DEFB125: variants seen among roughly 807,000 people sequenced by gnomAD.
DEFB125 encodes the protein beta-defensin 125.
Under a neutral mutation model 11.8 loss-of-function variants are expected in DEFB125, and 11 were observed. The observed-to-expected ratio is 0.94, with a 90% confidence interval of 0.59 to 1.55. The LOEUF (loss-of-function observed/expected upper bound fraction) is 1.55, where lower values mean the gene tolerates loss of function less well. Ranked by LOEUF, DEFB125 falls within the 40% of genes most tolerant of loss-of-function variation. The probability of loss-of-function intolerance (pLI) is 0.00; values close to 1 mark genes in which losing one functional copy is unlikely to be tolerated. For missense variants in DEFB125, 198 were observed against 191.2 expected (o/e 1.04, Z -0.21); for synonymous variants, 79 against 66.7 (o/e 1.18, Z -0.90).
intron 1 of DEFB125, among the ~76,000 whole-genome samples, chr20:94,317 T>C (rs1435371899): frequency 6.6e-6 from 1 of 152,138 alleles, no homozygotes; most frequent in East Asian, 1.9e-4. Context: ...CAGTAAATGA[T>C]TGTTAACTAC....
In DEFB125 at chr20:88,833, T is replaced by A. The variant is rs1260767023; in HGVS notation, c.58+1066T>A. ...TCAGCAAGAAAAATTTGTAAACAAA[T>A]GTATGTCTTTTCATTTATGACTGGA... is the stretch of plus-strand genomic sequence containing the variant. On this transcript the variant is annotated intron_variant, in intron 1 of 1. Transcript: ENST00000382410. Among the ~76,000 whole-genome samples the A allele has an allele frequency of 2.1e-5, 3 of 142,534 alleles. No individual in the cohort carries two copies. The Admixed American group carries it at 2.1e-4, about 10-fold the overall frequency. The allele number at this position is 142,534 out of a possible 152,430, so 93.5% of individuals were successfully genotyped here.
At chr20:88,152 G>C (rs569887637) in intron 1 of DEFB125, among the ~76,000 whole-genome samples, 1 of 151,966 alleles carries the variant, frequency 6.6e-6, no homozygotes, top group South Asian at 2.1e-4. Context: ...TTCTTTGCCC[G>C]GAGGGTACCT....
intron 1 of DEFB125, among the ~76,000 whole-genome samples, chr20:92,462 G>A (rs1245261785): frequency 1.3e-5 from 2 of 149,358 alleles, no homozygotes; most frequent in Non-Finnish European, 3.0e-5. Context: ...GCCCAATCTC[G>A]GCTCATTGCA....
chr20:89,013 A>G (rs756821284), intron 1 of DEFB125, among the ~76,000 whole-genome samples: 58 of 152,108 alleles, frequency 3.8e-4, no homozygotes, highest in South Asian at 1.0e-3. Context: ...TCAGTTTTCT[A>G]CTACATTCAG....
intron 1 of DEFB125, among the ~76,000 whole-genome samples, chr20:94,100 T>C (rs2054506190): frequency 1.3e-5 from 2 of 150,694 alleles, no homozygotes; most frequent in Admixed American, 1.3e-4. Context: ...TTTTTTTTAA[T>C]AAAAACTAAA....
In DEFB125 at chr20:96,075, A is replaced by G; in HGVS notation, c.129A>G (p.Glu43=). 1 of 1,613,928 alleles carries G rather than the reference A, an allele frequency of 6.2e-7. No individual in the cohort carries two copies. The highest frequency in any genetic ancestry group is 8.5e-7 in the Non-Finnish European group (1 of 1,179,940). ...GCAGAAGACGATGTTTAGATACTGA[A>G]AGGTACATACTTCTTTGTAGGAACA... ...GHCRRRCLDT[E]RYILLCRNKL... is the part of the protein sequence containing the mutation. The change falls in exon 2 of 2, where the codon GAA becomes GAG. Residue 43 remains glutamate (E), a synonymous_variant. Coordinates refer to ENST00000382410, the MANE Select transcript of DEFB125 (RefSeq NM_153325.4).
At chr20:89,059 G>T (rs1043599881) in intron 1 of DEFB125, among the ~76,000 whole-genome samples, 1 of 152,080 alleles carries the variant, frequency 6.6e-6, no homozygotes, top group African/African-American at 2.4e-5. Context: ...ATGTCCTGAT[G>T]TTTGAATTCA....
At chr20:88,866 A>ACACACG (rs2054486365) in intron 1 of DEFB125, among the ~76,000 whole-genome samples, 1 of 27,816 alleles carries the variant, frequency 3.6e-5, no homozygotes. Context: ...GGACACGTGG[A>ACACACG]CACACACACA....
intron 1 of DEFB125, among the ~76,000 whole-genome samples, chr20:89,716 C>G (rs1292672238): frequency 6.6e-6 from 1 of 151,716 alleles, no homozygotes; most frequent in Non-Finnish European, 1.5e-5. Flanking sequence ...GAATACTTGC[C>G]AAGTCCTAAA....
chr20:90,557 A>T (rs2054492538), intron 1 of DEFB125, among the ~76,000 whole-genome samples: 1 of 152,188 alleles, frequency 6.6e-6, no homozygotes. Flanking sequence ...GTGAAGACAC[A>T]TAGTGCATGA....
intron 1 of DEFB125, 74 bp downstream of exon 1, chr20:87,841 G>A: frequency 6.7e-7 from 1 of 1,490,386 alleles, no homozygotes; most frequent in Non-Finnish European, 9.3e-7. Context: ...GTATCATGAT[G>A]GGAAGAGAGG....
At chr20:94,835 C>A (rs2054508996) in intron 1 of DEFB125, among the ~76,000 whole-genome samples, 1 of 152,148 alleles carries the variant, frequency 6.6e-6, no homozygotes, top group Non-Finnish European at 1.5e-5. Context: ...TTAGCTCCTG[C>A]TTATGAATGA....
intron 1 of DEFB125, 90 bp downstream of exon 1, chr20:87,857 T>C: frequency 7.1e-7 from 1 of 1,417,678 alleles, no homozygotes; most frequent in Non-Finnish European, 9.9e-7. Context: ...AGAGGGAATC[T>C]GCAGGAAAAA....
At chr20:95,879 A>T in intron 1 of DEFB125, 126 bp from the exon 2 acceptor site, 1 of 883,164 alleles carries the variant, frequency 1.1e-6, no homozygotes, top group Non-Finnish European at 1.7e-6. Flanking sequence ...TTTGTCTCTT[A>T]CAATGGCTTT....
chr20:96,210 T>C lies in DEFB125; in HGVS notation c.264T>C (p.Phe88=). The C allele has an allele frequency of 1.4e-5, 23 of 1,614,214 alleles. No homozygotes were observed. Among genetic ancestry groups the C allele is most frequent in the Non-Finnish European group, 1.9e-5 (23 of 1,180,032 alleles). The change falls in exon 2 of 2, where the codon TTT becomes TTC. Residue 88 remains phenylalanine (F), a synonymous_variant. Coordinates refer to ENST00000382410, the MANE Select transcript of DEFB125 (RefSeq NM_153325.4). ...ITLDYSDVDS[F]TGSPVSMLND... ...TGGATTATAGTGATGTGGACTCTTT[T>C]ACTGGTTCCCCAGTATCTATGTTGA...
intron 1 of DEFB125, among the ~76,000 whole-genome samples, chr20:90,570 C>T (rs974039243): frequency 5.3e-5 from 8 of 152,142 alleles, no homozygotes; most frequent in African/African-American, 1.7e-4. Context: ...GTGCATGATC[C>T]GCTTACACTG....
intron 1 of DEFB125, among the ~76,000 whole-genome samples, chr20:91,628 G>A (rs2054496459): frequency 6.6e-6 from 1 of 152,180 alleles, no homozygotes; most frequent in Non-Finnish European, 1.5e-5. Flanking sequence ...TGATGACTGT[G>A]TGACTATAGC....
intron 1 of DEFB125, among the ~76,000 whole-genome samples, chr20:90,193 G>A (rs1400570534): frequency 6.6e-6 from 1 of 151,988 alleles, no homozygotes; most frequent in Non-Finnish European, 1.5e-5. Context: ...AGGATTTCGA[G>A]ATACTGGTGA....
intron 1 of DEFB125, among the ~76,000 whole-genome samples, chr20:95,097 T>C (rs1186413586): frequency 1.3e-5 from 2 of 152,150 alleles, no homozygotes; most frequent in Admixed American, 6.5e-5. Flanking sequence ...TCTCCACTGA[T>C]TTTTTTTAAG....
Sources: gnomAD v4.1 joint callset for allele counts (sites outside exome capture counted in the v4.1 genomes callset) on GRCh38, gnomAD v4.1.1 for gene constraint, MANE v1.5 for transcripts, NCBI Gene and HGNC (gene_info 2026-07-23, HGNC 2026-07-21) for gene names.